Variants in DAB2 observed in about 807,000 individuals in gnomAD.
DAB2 encodes the protein DAB adaptor protein 2.
DAB2 carries 28 observed loss-of-function variants against 71.6 expected under a neutral mutation model. That is an observed-to-expected ratio of 0.39 (90% CI 0.29 to 0.54). DAB2 has a LOEUF of 0.54. Ranked by LOEUF, DAB2 falls within the 20% of genes least tolerant of loss-of-function variation. DAB2 has a pLI of 0.68. For missense variants in DAB2, 867 were observed against 928.8 expected (o/e 0.93, Z 0.86); for synonymous variants, 345 against 339.7 (o/e 1.02, Z -0.17).
chr5:39,422,564 A>C lies in DAB2; in HGVS notation c.-102+2240T>G, dbSNP rs1756015231. Among the ~76,000 whole-genome samples, 2 of 152,246 alleles carry C rather than the reference A, an allele frequency of 1.3e-5. No homozygotes were observed. The highest frequency in any genetic ancestry group is 4.1e-4 in the South Asian group (2 of 4,834). On this transcript the variant is annotated intron_variant, in intron 1 of 14. Transcript: ENST00000320816. The surrounding 1 kb of genome is among the most constrained non-coding windows in gnomAD (Gnocchi z 4.1). ...TTTATGGACATATGAGGGTAGAGTT[A>C]GAAATGAAGCAGCATAAGAGCCTAT...
At chr5:39,398,150 A>AT (rs1373431352) in intron 1 of DAB2, among the ~76,000 whole-genome samples, 1 of 152,226 alleles carries the variant, frequency 6.6e-6, no homozygotes, top group Non-Finnish European at 1.5e-5. Flanking sequence ...AAATTTGGCA[A>AT]TTTGTATTCT....
Position 39,380,256 on chromosome 5 carries a change from C to T in DAB2, c.1504+1198G>A, listed in dbSNP as rs184304531. Among the ~76,000 whole-genome samples, 95 of 152,322 alleles carry T rather than the reference C, an allele frequency of 6.2e-4. 1 individual carries two copies. Among genetic ancestry groups the T allele is most frequent in the East Asian group, 1.5e-3 (8 of 5,182 alleles). On this transcript the variant is annotated intron_variant, in intron 11 of 14. Transcript: ENST00000320816. ...GACAAGCTGGCTTTTCATACCCTCA[C>T]GGATTTCTGCCACTCAGCAGTTGAG...
At position 39,390,575 on chromosome 5, in the gene DAB2, C is replaced by A. The variant is rs1755203936; in HGVS notation, c.331G>T (p.Val111Leu). 6.2e-7 allele frequency: 1 copy of A among 1,605,258 alleles called. No homozygotes were observed. The highest frequency in any genetic ancestry group is 8.5e-7 in the Non-Finnish European group (1 of 1,175,460). ...GIKIIDEKTGVIEHEHPVNKI... is the reference protein window; with the variant it reads ...GIKIIDEKTGLIEHEHPVNKI... Reference sequence around the variant, plus strand: ...TTTACTGGATGTTCATGCTCTATTACCTTAAAAAAGAACATAAAGAGTAAT... The same window carrying A: ...TTTACTGGATGTTCATGCTCTATTAACTTAAAAAAGAACATAAAGAGTAAT... The change falls in exon 5 of 15, where the codon GTA (valine) becomes TTA (leucine). Residue 111 changes from valine to leucine, a missense_variant and splice_region_variant. Coordinates refer to ENST00000320816, the MANE Select transcript of DAB2 (RefSeq NM_001343.4).
chr5:39,371,813 T>C lies in DAB2; in HGVS notation c.*1618A>G, dbSNP rs938371282. On this transcript the variant is annotated 3_prime_UTR_variant, in exon 15 of 15. Coordinates refer to ENST00000320816, the MANE Select transcript of DAB2 (RefSeq NM_001343.4). The stretch of plus-strand genomic sequence containing the variant: ...TTTCAAAAATTCAACTACCTAGAAA[T>C]AGTTACCTCCAGTTTAGCACATTTA... 2 of 152,186 alleles carry C rather than the reference T, an allele frequency of 1.3e-5. No homozygotes were observed. The highest frequency in any genetic ancestry group is 4.8e-5 in the African/African-American group (2 of 41,460). The allele number at this position is 152,186 out of a possible 1,614,324, so 9.4% of individuals were successfully genotyped here. A position where few individuals can be genotyped will look rare whatever the true frequency, so the allele number is the denominator to read the frequency against.
chr5:39,380,257 G>A (rs1754946780), intron 11 of DAB2, among the ~76,000 whole-genome samples: 1 of 152,148 alleles, frequency 6.6e-6, no homozygotes. Flanking sequence ...ATACCCTCAC[G>A]GATTTCTGCC....
intron 1 of DAB2, chr5:39,417,448 A>G (rs917442892): frequency 6.6e-6 from 1 of 152,142 alleles, no homozygotes; most frequent in Non-Finnish European, 1.5e-5. Flanking sequence ...GCATATCCTA[A>G]GTTCATCCAA....
chr5:39,377,169 A>C lies in DAB2; in HGVS notation c.1618T>G (p.Phe540Val). 1.2e-6 allele frequency: 2 copies of C among 1,614,124 alleles called. No individual in the cohort carries two copies. Among genetic ancestry groups the C allele is most frequent in the Non-Finnish European group, 1.7e-6 (2 of 1,180,004 alleles). ...GTACCAAAAATGACGGGCTGACTAA[A>C]ACCTGAAGGTTGACCACCCATCATG... ...GAMMGGQPSG[F>V]SQPVIFGTSP... The change falls in exon 12 of 15, where the codon TTT (phenylalanine) becomes GTT (valine). Residue 540 changes from phenylalanine to valine, a missense_variant. By Grantham distance (50) the Phe-to-Val change is conservative (BLOSUM62 -1). Around this residue, in one of 2 missense-constraint regions of DAB2, gnomAD observed 740 missense variants for 734.3 expected, o/e 1.01. Transcript: ENST00000320816.
In DAB2 at chr5:39,376,744, G is replaced by A. The variant is rs758284021; in HGVS notation, c.2043C>T (p.Ala681=). Residue 681 remains alanine (A), a synonymous_variant, in exon 12 of 15, where the codon GCC becomes GCT. Transcript: ENST00000320816. ...GEQTSSGTLS[A]FASYFNSKVG... Reference sequence around the variant, plus strand: ...CCTTGCTGTTGAAATAACTGGCAAAGGCACTCAAAGTCCCAGAAGAAGTCT... The same window carrying A: ...CCTTGCTGTTGAAATAACTGGCAAAAGCACTCAAAGTCCCAGAAGAAGTCT... 5 of 1,614,018 alleles carry A rather than the reference G, an allele frequency of 3.1e-6. No homozygotes were observed. Among genetic ancestry groups the A allele is most frequent in the Non-Finnish European group, 4.2e-6 (5 of 1,180,026 alleles).
In DAB2 at chr5:39,389,794, G is replaced by A. The variant is rs191566285; in HGVS notation, c.543+58C>T. 1.6e-5 allele frequency: 16 copies of A among 993,024 alleles called. No homozygotes were observed. The Admixed American group carries it at 2.0e-4, about 13-fold the overall frequency. The allele number at this position is 993,024 out of a possible 1,614,324, so 61.5% of individuals were successfully genotyped here. A position where few individuals can be genotyped will look rare whatever the true frequency, so the allele number is the denominator to read the frequency against. On this transcript the variant is annotated intron_variant, in intron 6 of 14. Transcript: ENST00000320816. The stretch of plus-strand genomic sequence containing the variant: ...CCCGAAGTGCTGGGATTATAGGTGT[G>A]AGCCACCATGCCCAGCCAGTTTTAA...
chr5:39,389,819 A>C, intron 6 of DAB2, 33 bp downstream of exon 6: 1 of 1,310,760 alleles, frequency 7.6e-7, no homozygotes, highest in Non-Finnish European at 1.1e-6. Flanking sequence ...GCCAGTTTTA[A>C]ATTTAATAGA....
chr5:39,418,585 T>C (rs887405770), intron 1 of DAB2, among the ~76,000 whole-genome samples: 1 of 152,224 alleles, frequency 6.6e-6, no homozygotes, highest in African/African-American at 2.4e-5. Context: ...TTAACTGCCC[T>C]GCTCAGATGA....
At chr5:39,398,274 T>A (rs974498078) in intron 1 of DAB2, among the ~76,000 whole-genome samples, 1 of 152,142 alleles carries the variant, frequency 6.6e-6, no homozygotes, top group Non-Finnish European at 1.5e-5. Flanking sequence ...AAGACGTAGC[T>A]GAAGACCAGG....
At chr5:39,390,146 G>A (rs1452161339) in intron 5 of DAB2, among the ~76,000 whole-genome samples, 1 of 151,824 alleles carries the variant, frequency 6.6e-6, no homozygotes, top group African/African-American at 2.4e-5. Context: ...CAAAACAAGA[G>A]GTATCATGAT....
intron 1 of DAB2, among the ~76,000 whole-genome samples, chr5:39,407,090 C>A (rs926604918): frequency 6.6e-6 from 1 of 152,326 alleles, no homozygotes; most frequent in African/African-American, 2.4e-5. Flanking sequence ...TTACTACAAT[C>A]CTCCCTCATC....
At chr5:39,402,998 G>A (rs1195339512) in intron 1 of DAB2, among the ~76,000 whole-genome samples, 2 of 152,120 alleles carry the variant, frequency 1.3e-5, no homozygotes, top group Non-Finnish European at 2.9e-5. Flanking sequence ...GATATTCATG[G>A]CATTCCCAGA....
chr5:39,376,153 A>G (rs1754822787), intron 12 of DAB2, 47 bp from the exon 13 acceptor site: 1 of 1,434,684 alleles, frequency 7.0e-7, no homozygotes, highest in Non-Finnish European at 9.8e-7. Flanking sequence ...CTTTCCCCAA[A>G]TATAGGCCAG....
intron 7 of DAB2, 82 bp downstream of exon 7, chr5:39,389,015 G>T: frequency 7.2e-7 from 1 of 1,390,362 alleles, no homozygotes; most frequent in Non-Finnish European, 1.0e-6. Context: ...AAGCGAGGTG[G>T]CGAGAGTGGT....
intron 9 of DAB2, chr5:39,388,060 G>A: frequency 2.4e-6 from 1 of 416,720 alleles, no homozygotes; most frequent in Non-Finnish European, 4.3e-6. Flanking sequence ...TACCAAGAAG[G>A]ACTACATTGC....
At chr5:39,417,829 A>G (rs1579929189) in intron 1 of DAB2, 1 of 152,320 alleles carries the variant, frequency 6.6e-6, no homozygotes, top group East Asian at 1.9e-4. Flanking sequence ...GCATCAAGCT[A>G]TCCTTTAGAA....
Sources: allele counts gnomAD v4.1 joint callset (sites outside exome capture counted in the v4.1 genomes callset), GRCh38; gene constraint gnomAD v4.1.1; regional missense constraint gnomAD v4.1.1; non-coding constraint Gnocchi (gnomAD v3.1); transcripts MANE v1.5; gene names NCBI Gene and HGNC (gene_info 2026-07-23, HGNC 2026-07-21).